USP9X: variants seen among roughly 807,000 people sequenced by gnomAD.
USP9X encodes ubiquitin specific peptidase 9 X-linked.
Under a neutral mutation model 190.3 loss-of-function variants are expected in USP9X, and 7 were observed. That is an observed-to-expected ratio of 0.04 (90% CI 0.02 to 0.07). The LOEUF is 0.07. Ranked by LOEUF, USP9X falls within the 10% of genes least tolerant of loss-of-function variation. The pLI, the probability that USP9X is intolerant of heterozygous loss-of-function variation, is 1.00. For synonymous variants in USP9X, 645 were observed against 659.5 expected, an observed-to-expected ratio of 0.98 and a Z score of 0.34; for missense variants, 1,010 against 1,916.9, an observed-to-expected ratio of 0.53 and a Z score of 8.83.
intron 1 of USP9X, among the ~76,000 whole-genome samples, chrX:41,089,915 T>G (rs1359317547): frequency 1.4e-4 from 11 of 78,427 alleles, no homozygotes; most frequent in East Asian, 8.0e-4. Context: ...TTTTTTTTTT[T>G]TTTTTTTTTT....
intron 41 of USP9X, among the ~76,000 whole-genome samples, chrX:41,225,975 G>A (rs1372077292): frequency 8.9e-6 from 1 of 112,636 alleles, no homozygotes; most frequent in African/African-American, 3.2e-5. Flanking sequence ...CTTGTTTACA[G>A]TTTAAGCTGA....
In USP9X at chrX:41,198,413, TAATGAGATCTTAAATTCC is replaced by T; in HGVS notation, c.4381-108_4381-91del. On this transcript the variant is annotated intron_variant, in intron 29 of 44. Coordinates refer to ENST00000378308, the MANE Select transcript of USP9X (RefSeq NM_001039591.3). ...TAGAAAATCTGAGTTTTCTGAGATGTAATGAGATCTTAAATTCCAATGAGTAATTTTAAAATGATTTAC... is the reference window on the plus strand; with the variant it reads ...TAGAAAATCTGAGTTTTCTGAGATGTAATGAGTAATTTTAAAATGATTTAC... The T allele has an allele frequency of 1.4e-4, 56 of 388,801 alleles. 5 individuals are homozygous for T. The highest frequency in any genetic ancestry group is 7.5e-4 in the East Asian group (9 of 12,019). The allele number at this position is 388,801 out of a possible 1,213,427, so 32.0% of individuals were successfully genotyped here. A position where few individuals can be genotyped will look rare whatever the true frequency, so the allele number is the denominator to read the frequency against.
intron 1 of USP9X, among the ~76,000 whole-genome samples, chrX:41,089,334 A>G (rs903820642): frequency 4.5e-5 from 5 of 112,008 alleles, no homozygotes; most frequent in Admixed American, 3.8e-4. Context: ...ACTGATTGCT[A>G]TTTTTAAAAA....
At chrX:41,150,788 C>T in intron 12 of USP9X, 133 bp from the exon 13 acceptor site, 2 of 653,993 alleles carry the variant, frequency 3.1e-6, no homozygotes, top group Non-Finnish European at 4.4e-6. Flanking sequence ...AAACTCTTTA[C>T]TGTAATTACA....
At chrX:41,103,837 T>G (rs941180318) in intron 1 of USP9X, among the ~76,000 whole-genome samples, 1 of 111,860 alleles carries the variant, frequency 8.9e-6, no homozygotes, top group Non-Finnish European at 1.9e-5. Flanking sequence ...ACTGCAGTTT[T>G]GTATTTACTA....
At chrX:41,157,651 A>G (rs145340552) in intron 14 of USP9X, among the ~76,000 whole-genome samples, 3 of 111,502 alleles carry the variant, frequency 2.7e-5, no homozygotes, top group Non-Finnish European at 3.8e-5. Context: ...CAAGCAAGCA[A>G]ACGGGTGGGG....
intron 4 of USP9X, among the ~76,000 whole-genome samples, chrX:41,134,329 T>C (rs146375020): frequency 2.7e-5 from 3 of 112,433 alleles, no homozygotes; most frequent in East Asian, 5.5e-4. Flanking sequence ...GAGAGGCTAA[T>C]AAGGAAGACA....
intron 1 of USP9X, among the ~76,000 whole-genome samples, chrX:41,102,564 A>G (rs1190790989): frequency 9.0e-6 from 1 of 111,703 alleles, no homozygotes; most frequent in South Asian, 3.8e-4. Flanking sequence ...TGGAGGTTGC[A>G]GTGAGTTGAG....
Position 41,229,253 on chromosome X carries a change from A to G in USP9X, c.7062A>G (p.Arg2354=). 8.5e-7 allele frequency: 1 copy of G among 1,175,967 alleles called. No homozygotes were observed. The highest frequency in any genetic ancestry group is 1.1e-6 in the Non-Finnish European group (1 of 879,764). The change falls in exon 42 of 45, where the codon AGA becomes AGG. Residue 2354 remains arginine, a splice_region_variant and synonymous_variant. Coordinates refer to ENST00000378308, the MANE Select transcript of USP9X (RefSeq NM_001039591.3). ...LLIEDSWQTH[R]IHNALKGIPD... is the part of the protein sequence containing the mutation. ...TATTTTATATCTGGTTCTCTTTCAG[A>G]ATTCATAATGCACTGAAAGGAATTC...
Position 41,186,626 on chromosome X carries a change from A to G in USP9X, c.3668A>G (p.Gln1223Arg), listed in dbSNP as rs2062877811. Residue 1223 changes from glutamine (Q) to arginine (R), a missense_variant, in exon 24 of 45, where the codon CAG (glutamine) becomes CGG (arginine). Transcript: ENST00000378308. Reference protein sequence around the residue: ...MLRNVSVRLAQQISDEASRYM... With the variant: ...MLRNVSVRLARQISDEASRYM... ...AGAAATGTGTCAGTTCGTCTTGCTC[A>G]GCAGATATCTGATGAGGTTAGTTTT... 3.3e-6 allele frequency: 4 copies of G among 1,211,187 alleles called. No individual in the cohort carries two copies. Among genetic ancestry groups the G allele is most frequent in the Non-Finnish European group, 4.5e-6 (4 of 895,194 alleles).
At chrX:41,096,640 A>T (rs899741666) in intron 1 of USP9X, among the ~76,000 whole-genome samples, 5 of 110,789 alleles carry the variant, frequency 4.5e-5, no homozygotes, top group African/African-American at 1.6e-4. Context: ...GGATTTTACT[A>T]TGTTGGCCAG....
chrX:41,175,747 A>C (rs1025050973), intron 21 of USP9X, among the ~76,000 whole-genome samples: 1 of 109,981 alleles, frequency 9.1e-6, no homozygotes, highest in African/African-American at 3.3e-5. Flanking sequence ...ATGTGTATCC[A>C]CATTTAAGTC....
intron 34 of USP9X, 152 bp downstream of exon 34, chrX:41,214,861 T>C: frequency 3.4e-6 from 2 of 580,012 alleles, no homozygotes; most frequent in Non-Finnish European, 2.6e-6. Flanking sequence ...TGATAACTAA[T>C]AGAAGGTTTG....
intron 1 of USP9X, among the ~76,000 whole-genome samples, chrX:41,088,347 A>G (rs2061928683): frequency 8.9e-6 from 1 of 111,863 alleles, no homozygotes; most frequent in Non-Finnish European, 1.9e-5. Flanking sequence ...TTTCTTTGCT[A>G]TCTTCTCAGA....
chrX:41,205,583 G>A lies in USP9X; in HGVS notation c.5015+90G>A, dbSNP rs977089715. ...AAACCTCTAAAAGACATGTTGGAAGGCATCTTTTTTTAAGCACTGGTAATA... is the reference window on the plus strand; with the variant it reads ...AAACCTCTAAAAGACATGTTGGAAGACATCTTTTTTTAAGCACTGGTAATA... On this transcript the variant is annotated intron_variant, in intron 32 of 44. Transcript: ENST00000378308. 82 of 892,394 alleles carry A rather than the reference G, an allele frequency of 9.2e-5. No homozygotes were observed. In the Admixed American group the frequency reaches 3.0e-3, roughly 32 times the overall value. The allele number at this position is 892,394 out of a possible 1,213,427, so 73.5% of individuals were successfully genotyped here. A position where few individuals can be genotyped will look rare whatever the true frequency, so the allele number is the denominator to read the frequency against.
chrX:41,187,912 C>A, intron 24 of USP9X, 80 bp from the exon 25 acceptor site: 19 of 908,162 alleles, frequency 2.1e-5, no homozygotes, highest in Non-Finnish European at 1.7e-5. Flanking sequence ...ATTTCCTTTA[C>A]AAAGTGAAAC....
At position 41,234,712 on chromosome X, in the gene USP9X, C is replaced by G. The variant is rs1234029851; in HGVS notation, c.*2188C>G. The G allele has an allele frequency of 9.0e-6, 1 of 111,067 alleles. No homozygotes were observed. Among genetic ancestry groups the G allele is most frequent in the African/African-American group, 3.3e-5 (1 of 30,455 alleles). The allele number at this position is 111,067 out of a possible 1,213,427, so 9.2% of individuals were successfully genotyped here. On this transcript the variant is annotated 3_prime_UTR_variant, in exon 45 of 45. Coordinates refer to ENST00000378308, the MANE Select transcript of USP9X (RefSeq NM_001039591.3). The stretch of plus-strand genomic sequence containing the variant: ...AGTAGCTGGGATTAGAGGTGCCCAC[C>G]ACCACGCCCAGCTAATTTTTGTATT...
At chrX:41,147,743 G>A (rs2062482955) in intron 11 of USP9X, among the ~76,000 whole-genome samples, 1 of 112,022 alleles carries the variant, frequency 8.9e-6, no homozygotes, top group African/African-American at 3.2e-5. Context: ...GTGAGCCACC[G>A]TGCCCGGTCA....
chrX:41,117,235 T>G (rs1236735676), intron 1 of USP9X, among the ~76,000 whole-genome samples: 3 of 111,796 alleles, frequency 2.7e-5, no homozygotes, highest in African/African-American at 9.8e-5. Context: ...AAAGGTGTTT[T>G]GAGAGAGGAG....
Sources: gnomAD v4.1 joint callset for allele counts (sites outside exome capture counted in the v4.1 genomes callset) on GRCh38, gnomAD v4.1.1 for gene constraint, MANE v1.5 for transcripts, NCBI Gene and HGNC (gene_info 2026-07-23, HGNC 2026-07-21) for gene names.